The following DOCK11 variants were observed in gnomAD, a reference collection of about 807,000 sequenced individuals.
DOCK11 encodes the protein dedicator of cytokinesis 11.
DOCK11 carries 70 observed loss-of-function variants against 169.1 expected under a neutral mutation model. The ratio of observed to expected loss-of-function variants is 0.41; its 90% CI spans 0.34 to 0.51. The LOEUF is 0.51. DOCK11 is among the 20% of genes least tolerant of loss of function. The probability of loss-of-function intolerance (pLI) is 0.10; values close to 1 mark genes in which losing one functional copy is unlikely to be tolerated. For synonymous variants in DOCK11, 529 were observed against 541.3 expected, an observed-to-expected ratio of 0.98 and a Z score of 0.32; for missense variants, 1,166 against 1,538.8, an observed-to-expected ratio of 0.76 and a Z score of 4.05.
At chrX:118,684,242 T>G (rs960327157) in intron 52 of DOCK11, among the ~76,000 whole-genome samples, 3 of 109,833 alleles carry the variant, frequency 2.7e-5, no homozygotes, top group African/African-American at 9.9e-5. Flanking sequence ...TTTCAAAAAC[T>G]TCTTCAAGCT....
At chrX:118,500,141 C>T (rs915154559) in intron 1 of DOCK11, among the ~76,000 whole-genome samples, 3 of 108,986 alleles carry the variant, frequency 2.8e-5, no homozygotes, top group South Asian at 8.0e-4. Context: ...CTCCGCCTCC[C>T]GGGTTCACGT....
At chrX:118,636,041 G>A (rs2015379255) in intron 35 of DOCK11, among the ~76,000 whole-genome samples, 1 of 111,694 alleles carries the variant, frequency 9.0e-6, no homozygotes, top group Non-Finnish European at 1.9e-5. Context: ...TAAAAACACA[G>A]CAACTTCCCT....
chrX:118,503,103 C>G (rs1234656481), intron 1 of DOCK11, among the ~76,000 whole-genome samples: 1 of 79,176 alleles, frequency 1.3e-5, no homozygotes, highest in Admixed American at 1.5e-4. Context: ...AATGGAGTTT[C>G]ACTCTTGTCG....
chrX:118,496,309 A>C (rs1384941386), intron 1 of DOCK11, among the ~76,000 whole-genome samples: 1 of 33 alleles, frequency 0.03, no homozygotes, highest in Non-Finnish European at 0.048. Flanking sequence ...GCAGACGGGC[A>C]AAAGCCGGGC....
intron 11 of DOCK11, 64 bp from the exon 12 acceptor site, chrX:118,573,742 T>C (rs2013354391): frequency 1.1e-6 from 1 of 944,748 alleles, no homozygotes; most frequent in African/African-American, 2.0e-5. Flanking sequence ...TTTGCACTTG[T>C]GCCCCTCCCC....
chrX:118,601,208 G>T, intron 23 of DOCK11, among the ~76,000 whole-genome samples: 1 of 110,876 alleles, frequency 9.0e-6, no homozygotes, highest in Non-Finnish European at 1.9e-5. Context: ...CAGATTGCTT[G>T]AGCCCAGGAG....
Position 118,637,970 on chromosome X carries a change from A to G in DOCK11, c.3954-110A>G, listed in dbSNP as rs2015434146. ...TGTATAGCAAAACACTTATCATTAT[A>G]ATATGATTTAAATAGGCTATTCTTT... On this transcript the variant is annotated intron_variant, in intron 36 of 52. Transcript: ENST00000276202. 2.1e-5 allele frequency: 12 copies of G among 572,279 alleles called. No homozygotes were observed. The South Asian group carries it at 4.0e-4, about 19-fold the overall frequency. 47.2% of individuals were successfully genotyped at this position (572,279 alleles called of 1,213,427 possible). A position where few individuals can be genotyped will look rare whatever the true frequency, so the allele number is the denominator to read the frequency against.
intron 1 of DOCK11, among the ~76,000 whole-genome samples, chrX:118,536,382 G>A (rs1314831198): frequency 9.0e-6 from 1 of 111,391 alleles, no homozygotes; most frequent in East Asian, 2.8e-4. Flanking sequence ...AATCTACAGT[G>A]GTGGCATCTC....
At chrX:118,680,749 C>T (rs2016724549) in intron 49 of DOCK11, 57 bp downstream of exon 49, 3 of 943,606 alleles carry the variant, frequency 3.2e-6, no homozygotes, top group Non-Finnish European at 1.5e-6. Context: ...TCAGCATACA[C>T]GAGTAGCAGC....
chrX:118,631,248 C>T (rs2015234130), intron 35 of DOCK11, among the ~76,000 whole-genome samples: 1 of 110,497 alleles, frequency 9.1e-6, no homozygotes, highest in Admixed American at 9.6e-5. Context: ...ATCTTTTACT[C>T]ATTTTCTATT....
At chrX:118,553,319 G>A (rs963605642) in intron 6 of DOCK11, among the ~76,000 whole-genome samples, 1 of 111,973 alleles carries the variant, frequency 8.9e-6, no homozygotes, top group African/African-American at 3.2e-5. Flanking sequence ...TCTCCTAAGA[G>A]ATATAATGAT....
intron 1 of DOCK11, among the ~76,000 whole-genome samples, chrX:118,509,079 C>G (rs1305211703): frequency 9.0e-6 from 1 of 111,683 alleles, no homozygotes; most frequent in African/African-American, 3.3e-5. Context: ...GTCTCACTCA[C>G]TGTATCTCTG....
intron 12 of DOCK11, among the ~76,000 whole-genome samples, chrX:118,575,668 C>T (rs2013421656): frequency 8.9e-6 from 1 of 112,176 alleles, no homozygotes; most frequent in African/African-American, 3.2e-5. Context: ...TAGTTGTCAC[C>T]TCTGTGAACA....
intron 39 of DOCK11, among the ~76,000 whole-genome samples, chrX:118,642,586 T>C (rs2015559041): frequency 8.9e-6 from 1 of 111,740 alleles, no homozygotes; most frequent in South Asian, 3.7e-4. Context: ...CACAGGAGGT[T>C]AATGTCAAAT....
chrX:118,602,782 C>G, intron 23 of DOCK11, among the ~76,000 whole-genome samples: 1 of 112,002 alleles, frequency 8.9e-6, no homozygotes, highest in Non-Finnish European at 1.9e-5. Flanking sequence ...TTCAAGTAAT[C>G]CGCCTACCTC....
At chrX:118,572,583 C>T in intron 11 of DOCK11, 120 bp downstream of exon 11, 3 of 586,150 alleles carry the variant, frequency 5.1e-6, no homozygotes, top group Non-Finnish European at 7.6e-6. Context: ...CAAACCTGCA[C>T]ATGTACTCCT....
In DOCK11 at chrX:118,578,663, T is replaced by G. The variant is rs1395939692; in HGVS notation, c.1512+16T>G. On this transcript the variant is annotated intron_variant, in intron 13 of 52. Transcript: ENST00000276202. ...TCCAGTAAAGGTAATTTATAAAGGT[T>G]GTTGATCAACATTTCACCTTAACGT... 1 of 1,186,662 alleles carries G rather than the reference T, an allele frequency of 8.4e-7. No homozygotes were observed. Among genetic ancestry groups the G allele is most frequent in the Non-Finnish European group, 1.1e-6 (1 of 882,501 alleles).
intron 6 of DOCK11, among the ~76,000 whole-genome samples, chrX:118,558,499 C>A (rs34584456): frequency 9.0e-6 from 1 of 111,594 alleles, no homozygotes; most frequent in Non-Finnish European, 1.9e-5. Context: ...TAAACTTATA[C>A]CCTAAGTAGC....
At chrX:118,573,218 A>G (rs1170467563) in intron 11 of DOCK11, among the ~76,000 whole-genome samples, 1 of 112,876 alleles carries the variant, frequency 8.9e-6, no homozygotes, top group Non-Finnish European at 1.9e-5. Context: ...GCTTAAAAGT[A>G]CAACAGACTT....
Sources: gnomAD v4.1 joint callset for allele counts (sites outside exome capture counted in the v4.1 genomes callset) on GRCh38, gnomAD v4.1.1 for gene constraint, MANE v1.5 for transcripts, NCBI Gene and HGNC (gene_info 2026-07-23, HGNC 2026-07-21) for gene names.